FMN1: variants seen among roughly 807,000 people sequenced by gnomAD.
FMN1 encodes formin-1.
FMN1 carries 110 observed loss-of-function variants against 132.4 expected under a neutral mutation model. The ratio of observed to expected loss-of-function variants is 0.83; its 90% CI spans 0.71 to 0.97. FMN1 has a LOEUF of 0.97. Ranked by LOEUF, FMN1 falls within the 50% of genes least tolerant of loss-of-function variation. The pLI, the probability that FMN1 is intolerant of heterozygous loss-of-function variation, is 0.00. For missense variants in FMN1, 1,792 were observed against 1,705.3 expected (o/e 1.05, Z -0.90); for synonymous variants, 722 against 651.7 (o/e 1.11, Z -1.64).
chr15:32,827,583 G>T (rs1383945826), intron 17 of FMN1, among the ~76,000 whole-genome samples: 1 of 152,136 alleles, frequency 6.6e-6, no homozygotes, highest in African/African-American at 2.4e-5. Context: ...GGACGCGGTG[G>T]CTCATGCCTG....
intron 7 of FMN1, among the ~76,000 whole-genome samples, chr15:32,981,255 G>A (rs2032632046): frequency 6.6e-6 from 1 of 152,050 alleles, no homozygotes; most frequent in African/African-American, 2.4e-5. Flanking sequence ...ACTTTGGGAG[G>A]CGGAGGCGGG....
intron 7 of FMN1, among the ~76,000 whole-genome samples, chr15:33,007,382 A>T (rs571500737): frequency 6.6e-6 from 1 of 152,242 alleles, no homozygotes; most frequent in South Asian, 2.1e-4. Context: ...CAGTTATTTG[A>T]AGTTAAGATT....
intron 17 of FMN1, among the ~76,000 whole-genome samples, chr15:32,813,782 A>G (rs1233055455): frequency 6.6e-6 from 1 of 152,226 alleles, no homozygotes; most frequent in African/African-American, 2.4e-5. Context: ...ACCCAAGTAG[A>G]TGAAGCGACT....
At chr15:33,111,714 C>T (rs1388143029) in intron 4 of FMN1, among the ~76,000 whole-genome samples, 2 of 152,096 alleles carry the variant, frequency 1.3e-5, no homozygotes, top group South Asian at 4.1e-4. Flanking sequence ...CATGATACCA[C>T]TTACATGAAA....
intron 9 of FMN1, among the ~76,000 whole-genome samples, chr15:32,952,456 G>C (rs1350538908): frequency 6.6e-6 from 1 of 152,166 alleles, no homozygotes; most frequent in Non-Finnish European, 1.5e-5. Flanking sequence ...GTGTTGCAAG[G>C]AACATTTATG....
intron 4 of FMN1, among the ~76,000 whole-genome samples, chr15:33,147,412 G>A (rs1964270613): frequency 6.6e-6 from 1 of 152,148 alleles, no homozygotes; most frequent in African/African-American, 2.4e-5. Flanking sequence ...ATCAGTGGCT[G>A]TTACTTTTAA....
chr15:33,141,553 G>A (rs935244668), intron 4 of FMN1, among the ~76,000 whole-genome samples: 3 of 152,160 alleles, frequency 2.0e-5, no homozygotes, highest in African/African-American at 7.2e-5. Context: ...GGGAAAGTGA[G>A]GGAAGCAGGA....
At chr15:32,840,463 T>C (rs528956782) in intron 17 of FMN1, among the ~76,000 whole-genome samples, 1 of 152,332 alleles carries the variant, frequency 6.6e-6, no homozygotes, top group Non-Finnish European at 1.5e-5. Context: ...ACCGAGGACC[T>C]AACAGCATGC....
At chr15:32,981,550 AT>A (rs1277859783) in intron 7 of FMN1, among the ~76,000 whole-genome samples, 143 of 147,100 alleles carry the variant, frequency 9.7e-4, no homozygotes, top group African/African-American at 3.3e-3. Context: ...AATAATTATT[AT>A]TATTATTATT....
chr15:32,882,106 T>C (rs2059785421), intron 16 of FMN1, among the ~76,000 whole-genome samples: 1 of 152,176 alleles, frequency 6.6e-6, no homozygotes, highest in Non-Finnish European at 1.5e-5. Flanking sequence ...AGTGGTTGTA[T>C]GTAGAGACAA....
Position 32,785,218 on chromosome 15 carries a change from A to ATATATTTTTTTTTTTT in FMN1, c.4131-8300_4131-8299insAAAAAAAAAAAATATA, listed in dbSNP as rs1444523400. 2.5e-3 allele frequency among the ~76,000 whole-genome samples: 98 copies of ATATATTTTTTTTTTTT among 39,146 alleles called. 4 individuals carry two copies. Among genetic ancestry groups the ATATATTTTTTTTTTTT allele is most frequent in the Non-Finnish European group, 3.2e-3 (71 of 22,070 alleles). 25.7% of individuals were successfully genotyped at this position (39,146 alleles called of 152,430 possible). Reference sequence around the variant, plus strand: ...TGTGTGTGTATATATATATATATATATTTTTTTTTTTTTTTTTTTGTAGAG... The same window carrying ATATATTTTTTTTTTTT: ...TGTGTGTGTATATATATATATATATATATATTTTTTTTTTTTTTTTTTTTTTTTTTTTTTTGTAGAG... On this transcript the variant is annotated intron_variant, in intron 19 of 20. Transcript: ENST00000616417.
chr15:33,041,702 G>A lies in FMN1; in HGVS notation c.2161+23255C>T, dbSNP rs138043251. Among the ~76,000 whole-genome samples the A allele has an allele frequency of 9.7e-3, 1,469 of 151,932 alleles. 25 individuals are homozygous for A. The highest frequency in any genetic ancestry group is 0.032 in the African/African-American group (1,329 of 41,444). The stretch of plus-strand genomic sequence containing the variant: ...ATTAAAACGGCTATTAAAAAAAAAC[G>A]GTAAATAAGTGTTGTCAAGGATATG... On this transcript the variant is annotated intron_variant, in intron 6 of 20. Coordinates refer to ENST00000616417, the MANE Select transcript of FMN1 (RefSeq NM_001277313.2).
intron 5 of FMN1, among the ~76,000 whole-genome samples, chr15:33,079,879 A>G (rs2038379666): frequency 6.6e-6 from 1 of 151,920 alleles, no homozygotes; most frequent in Non-Finnish European, 1.5e-5. Context: ...AGGAATTTGT[A>G]AAAAACAATG....
At chr15:32,971,266 T>G (rs551514485) in intron 7 of FMN1, among the ~76,000 whole-genome samples, 1 of 152,368 alleles carries the variant, frequency 6.6e-6, no homozygotes, top group Non-Finnish European at 1.5e-5. Flanking sequence ...CTAATGCTAA[T>G]AGCAGAGCAA....
rs746477107 is a variant in FMN1 at position 32,968,773 on chromosome 15, G to A, written c.2928C>T (p.Ile976=). 8 of 1,611,030 alleles carry A rather than the reference G, an allele frequency of 5.0e-6. No individual in the cohort carries two copies. The highest frequency in any genetic ancestry group is 3.3e-5 in the South Asian group (3 of 90,952). The change falls in exon 8 of 21, where the codon ATC becomes ATT. Residue 976 remains isoleucine, a synonymous_variant. Transcript: ENST00000616417. ...SSSQCPRKPA[I]EPSCPMKPLY... ...AAGGCTTCATGGGACAACTGGGCTC[G>A]ATGGCTGGTTTTCGAGGACATTGAC...
At chr15:32,875,730 TC>T (rs1370859529) in intron 16 of FMN1, among the ~76,000 whole-genome samples, 2 of 151,966 alleles carry the variant, frequency 1.3e-5, no homozygotes, top group African/African-American at 4.8e-5. Context: ...GAGAAGAATC[TC>T]TCTGTGGATT....
At chr15:33,086,890 T>C (rs976361002) in intron 5 of FMN1, among the ~76,000 whole-genome samples, 2 of 152,228 alleles carry the variant, frequency 1.3e-5, no homozygotes, top group African/African-American at 4.8e-5. Context: ...GTGACCATGG[T>C]TTTATGGTTA....
At chr15:33,076,197 G>A (rs544733005) in intron 5 of FMN1, among the ~76,000 whole-genome samples, 49 of 152,320 alleles carry the variant, frequency 3.2e-4, no homozygotes, top group African/African-American at 1.2e-3. Context: ...CTTTCCCAAA[G>A]TGAAGGCATA....
intron 7 of FMN1, among the ~76,000 whole-genome samples, chr15:32,975,622 A>G (rs2032140701): frequency 6.6e-6 from 1 of 152,172 alleles, no homozygotes; most frequent in African/African-American, 2.4e-5. Context: ...GAAAACTCAT[A>G]AAACATCCAA....
Sources: allele counts gnomAD v4.1 joint callset (sites outside exome capture counted in the v4.1 genomes callset), GRCh38; gene constraint gnomAD v4.1.1; transcripts MANE v1.5; gene names NCBI Gene and HGNC (gene_info 2026-07-23, HGNC 2026-07-21).